Variants in FAM241B observed in about 807,000 individuals in gnomAD.
FAM241B encodes protein FAM241B.
Under a neutral mutation model 9.3 loss-of-function variants are expected in FAM241B, and 7 were observed. The ratio of observed to expected loss-of-function variants is 0.75; its 90% CI spans 0.43 to 1.41. FAM241B has a LOEUF of 1.41. Among genes scored for constraint, FAM241B ranks in the 40% most tolerant of loss-of-function variants. The probability of loss-of-function intolerance (pLI) is 0.01; values close to 1 mark genes in which losing one functional copy is unlikely to be tolerated. For synonymous variants in FAM241B, 60 were observed against 64.1 expected (o/e 0.94, Z 0.31); for missense variants, 136 against 159.6 (o/e 0.85, Z 0.80).
chr10:69,631,590 C>A lies in FAM241B; in HGVS notation c.-36+43C>A, dbSNP rs779574937. On this transcript the variant is annotated intron_variant, in intron 2 of 3. Transcript: ENST00000373279. ...AGCTTTTTGAGGTCAGGGGGAAAATCCTCCACAGATCTTCACGAGTCTGGT... is the reference window on the plus strand; with the variant it reads ...AGCTTTTTGAGGTCAGGGGGAAAATACTCCACAGATCTTCACGAGTCTGGT... 5.2e-6 allele frequency: 8 copies of A among 1,547,490 alleles called. No homozygotes were observed. The South Asian group carries it at 9.6e-5, about 19-fold the overall frequency.
chr10:69,631,432 T>C, intron 1 of FAM241B, 48 bp from the exon 2 acceptor site: 3 of 1,396,502 alleles, frequency 2.1e-6, no homozygotes, highest in South Asian at 2.5e-5. Flanking sequence ...TGAAATCTTT[T>C]TGCCTGGCAA....
Position 69,633,004 on chromosome 10 carries a change from G to A in FAM241B, c.311G>A (p.Arg104His), listed in dbSNP as rs374261908. 1.1e-5 allele frequency: 18 copies of A among 1,614,092 alleles called. No individual in the cohort carries two copies. In the African/African-American group the frequency reaches 1.5e-4, roughly 13 times the overall value. ...TTCCTGCTCATGATGCTTGGTGTTC[G>A]TGGCCTCCTCCTGGTTGGCCTTGTC... The part of the protein sequence containing the change: ...LLFLLMMLGV[R>H]GLLLVGLVYL... Residue 104 changes from arginine to histidine, a missense_variant, in exon 4 of 4, where the codon CGT becomes CAT. Physicochemically the swap from Arg to His is conservative, Grantham distance 29. Coordinates refer to ENST00000373279, the MANE Select transcript of FAM241B (RefSeq NM_145306.3).
In FAM241B at chr10:69,633,394, C is replaced by G. The variant is rs747442277; in HGVS notation, c.*335C>G. Reference sequence around the variant, plus strand: ...GATCTCAGCTGGATGCCAACATGTTCCGATGCCTGTGGAAGACATGCCGAC... The same window carrying G: ...GATCTCAGCTGGATGCCAACATGTTGCGATGCCTGTGGAAGACATGCCGAC... On this transcript the variant is annotated 3_prime_UTR_variant, in exon 4 of 4. Coordinates refer to ENST00000373279, the MANE Select transcript of FAM241B (RefSeq NM_145306.3). 1 of 350,934 alleles carries G rather than the reference C, an allele frequency of 2.8e-6. No individual in the cohort carries two copies. Among genetic ancestry groups the G allele is most frequent in the Non-Finnish European group, 5.3e-6 (1 of 190,344 alleles). 21.7% of individuals were successfully genotyped at this position (350,934 alleles called of 1,614,324 possible). A position where few individuals can be genotyped will look rare whatever the true frequency, so the allele number is the denominator to read the frequency against.
intron 2 of FAM241B, 39 bp downstream of exon 2, chr10:69,631,586 A>C: frequency 6.5e-7 from 1 of 1,547,780 alleles, no homozygotes; most frequent in African/African-American, 1.4e-5. Flanking sequence ...GTCAGGGGGA[A>C]AATCCTCCAC....
At chr10:69,630,589 T>C in intron 1 of FAM241B, 2 of 1,253,322 alleles carry the variant, frequency 1.6e-6, no homozygotes, top group Non-Finnish European at 1.0e-6. Context: ...TGTCCCGGGC[T>C]CCAGGCTACG....
At position 69,631,586 on chromosome 10, in the gene FAM241B, A is replaced by T. The variant is rs530283764; in HGVS notation, c.-36+39A>T. 19 of 1,547,780 alleles carry T rather than the reference A, an allele frequency of 1.2e-5. No individual in the cohort carries two copies. In the South Asian group the frequency reaches 2.3e-4, roughly 19 times the overall value. ...TTCAAGCTTTTTGAGGTCAGGGGGA[A>T]AATCCTCCACAGATCTTCACGAGTC... On this transcript the variant is annotated intron_variant, in intron 2 of 3. Coordinates refer to ENST00000373279, the MANE Select transcript of FAM241B (RefSeq NM_145306.3).
chr10:69,632,498 G>T (rs1156996857), intron 3 of FAM241B, among the ~76,000 whole-genome samples: 1 of 149,224 alleles, frequency 6.7e-6, no homozygotes, highest in Non-Finnish European at 1.5e-5. Flanking sequence ...GTGATGATGA[G>T]TATTAAAAAT....
In FAM241B at chr10:69,633,328, C is replaced by T. The variant is rs898739889; in HGVS notation, c.*269C>T. 37 of 516,742 alleles carry T rather than the reference C, an allele frequency of 7.2e-5. No homozygotes were observed. The highest frequency in any genetic ancestry group is 5.1e-4 in the Middle Eastern group (1 of 1,964). The allele number at this position is 516,742 out of a possible 1,614,324, so 32.0% of individuals were successfully genotyped here. On this transcript the variant is annotated 3_prime_UTR_variant, in exon 4 of 4. Coordinates refer to ENST00000373279, the MANE Select transcript of FAM241B (RefSeq NM_145306.3). Reference sequence around the variant, plus strand: ...GTGGCACAAAATCAGAGCAAGAAAGCGATGCCCTTCCCAATTCTCTCAATC... The same window carrying T: ...GTGGCACAAAATCAGAGCAAGAAAGTGATGCCCTTCCCAATTCTCTCAATC...
chr10:69,631,686 C>T (rs546309591), intron 2 of FAM241B, 23 bp from the exon 3 acceptor site: 2 of 1,587,172 alleles, frequency 1.3e-6, no homozygotes, highest in African/African-American at 2.7e-5. Context: ...CATTAGCCTG[C>T]CCACCCTGAC....
Position 69,633,179 on chromosome 10 carries a change from C to CACAA in FAM241B, c.*121_*122insCAAA, listed in dbSNP as rs1262693210. Reference sequence around the variant, plus strand: ...GAAGGTATGATCAGAGAGGGGACCACAGGTGTGTGTTTCCCCTTTGTGTTA... The same window carrying CACAA: ...GAAGGTATGATCAGAGAGGGGACCACACAAAGGTGTGTGTTTCCCCTTTGTGTTA... On this transcript the variant is annotated 3_prime_UTR_variant, in exon 4 of 4. Transcript: ENST00000373279. 1.4e-6 allele frequency: 2 copies of CACAA among 1,382,630 alleles called. No individual in the cohort carries two copies. Among genetic ancestry groups the CACAA allele is most frequent in the African/African-American group, 2.9e-5 (2 of 69,960 alleles). The allele number at this position is 1,382,630 out of a possible 1,614,324, so 85.6% of individuals were successfully genotyped here. A position where few individuals can be genotyped will look rare whatever the true frequency, so the allele number is the denominator to read the frequency against.
intron 3 of FAM241B, among the ~76,000 whole-genome samples, chr10:69,632,540 C>T (rs1186612938): frequency 6.6e-6 from 1 of 151,828 alleles, no homozygotes; most frequent in Non-Finnish European, 1.5e-5. Flanking sequence ...TGTAGTCCAA[C>T]CTGCCTCAAC....
chr10:69,630,631 G>T, intron 1 of FAM241B: 1 of 1,298,832 alleles, frequency 7.7e-7, no homozygotes, highest in Non-Finnish European at 1.0e-6. Flanking sequence ...ACCTTTTTCG[G>T]CATACATGTC....
At position 69,633,351 on chromosome 10, in the gene FAM241B, A is replaced by C; in HGVS notation, c.*292A>C. The C allele has an allele frequency of 2.2e-6, 1 of 461,066 alleles. No individual in the cohort carries two copies. The allele number at this position is 461,066 out of a possible 1,614,324, so 28.6% of individuals were successfully genotyped here. On this transcript the variant is annotated 3_prime_UTR_variant, in exon 4 of 4. Coordinates refer to ENST00000373279, the MANE Select transcript of FAM241B (RefSeq NM_145306.3). Reference sequence around the variant, plus strand: ...AGCGATGCCCTTCCCAATTCTCTCAATCCTTTTATGCCGAGAAGATCTCAG... The same window carrying C: ...AGCGATGCCCTTCCCAATTCTCTCACTCCTTTTATGCCGAGAAGATCTCAG...
Position 69,632,875 on chromosome 10 carries a change from A to G in FAM241B, c.182A>G (p.Gln61Arg). 1 of 1,614,218 alleles carries G rather than the reference A, an allele frequency of 6.2e-7. No individual in the cohort carries two copies. Among genetic ancestry groups the G allele is most frequent in the Non-Finnish European group, 8.5e-7 (1 of 1,180,046 alleles). Reference protein sequence around the residue: ...QQAGARLGAAQSPFNDLNRQL... With the variant: ...QQAGARLGAARSPFNDLNRQL... ...GCAGGTGCCAGGCTGGGTGCTGCTC[A>G]GTCCCCCTTCAATGACCTCAACCGG... Residue 61 changes from glutamine to arginine, a missense_variant, in exon 4 of 4, where the codon CAG (glutamine) becomes CGG (arginine). Gln to Arg is a conservative substitution (Grantham distance 43). Coordinates refer to ENST00000373279, the MANE Select transcript of FAM241B (RefSeq NM_145306.3).
Position 69,633,424 on chromosome 10 carries a change from C to G in FAM241B, c.*365C>G. On this transcript the variant is annotated 3_prime_UTR_variant, in exon 4 of 4. Transcript: ENST00000373279. ...GCCTGTGGAAGACATGCCGACGTCT[C>G]CTCTGCCTAGGGAGCAGGACTTGGG... 3.5e-6 allele frequency: 1 copy of G among 286,566 alleles called. No homozygotes were observed. The highest frequency in any genetic ancestry group is 6.6e-6 in the Non-Finnish European group (1 of 152,004). The allele number at this position is 286,566 out of a possible 1,614,324, so 17.8% of individuals were successfully genotyped here. A position where few individuals can be genotyped will look rare whatever the true frequency, so the allele number is the denominator to read the frequency against.
rs370945332 is a variant in FAM241B, at chr10:69,632,453, G to A, written c.97-337G>A. ...AGCCTGGGTGACAGAGCGAGACTCC[G>A]TCTCAAAAAAAAAAAAAAAAAAAAA... On this transcript the variant is annotated intron_variant, in intron 3 of 3. Transcript: ENST00000373279. 8.8e-3 allele frequency among the ~76,000 whole-genome samples: 801 copies of A among 90,886 alleles called. 8 individuals carry two copies. The highest frequency in any genetic ancestry group is 0.032 in the African/African-American group (732 of 23,016). The allele number at this position is 90,886 out of a possible 152,430, so 59.6% of individuals were successfully genotyped here. A position where few individuals can be genotyped will look rare whatever the true frequency, so the allele number is the denominator to read the frequency against.
rs548873286 is a variant in FAM241B at position 69,631,594 on chromosome 10, C to T, written c.-36+47C>T. On this transcript the variant is annotated intron_variant, in intron 2 of 3. Coordinates refer to ENST00000373279, the MANE Select transcript of FAM241B (RefSeq NM_145306.3). ...TTTTGAGGTCAGGGGGAAAATCCTC[C>T]ACAGATCTTCACGAGTCTGGTCCCA... is the stretch of plus-strand genomic sequence containing the variant. 6.5e-6 allele frequency: 10 copies of T among 1,547,296 alleles called. No homozygotes were observed. The East Asian group carries it at 9.8e-5, about 15-fold the overall frequency.
At chr10:69,630,704 AC>A in intron 1 of FAM241B, 1 of 1,281,324 alleles carries the variant, frequency 7.8e-7, no homozygotes, top group Non-Finnish European at 1.0e-6. Context: ...AATGGCCTTT[AC>A]CCAGACTCAA....
At chr10:69,630,544 G>T (rs1011163931) in intron 1 of FAM241B, 5 of 989,008 alleles carry the variant, frequency 5.1e-6, no homozygotes, top group Middle Eastern at 3.1e-4. Flanking sequence ...CTCGGCCTGC[G>T]CCAGGGCCAG....
Sources: allele counts gnomAD v4.1 joint callset (sites outside exome capture counted in the v4.1 genomes callset), GRCh38; gene constraint gnomAD v4.1.1; transcripts MANE v1.5; gene names NCBI Gene and HGNC (gene_info 2026-07-23, HGNC 2026-07-21).